Variants in TRPM3 observed in about 807,000 individuals in gnomAD.
The protein encoded by TRPM3 is transient receptor potential cation channel subfamily M member 3.
In TRPM3, 77 loss-of-function variants were observed where a neutral mutation model predicts 181.2. That is an observed-to-expected ratio of 0.42 (90% CI 0.35 to 0.51). The LOEUF is 0.51. Among genes scored for constraint, TRPM3 ranks in the 20% least tolerant of loss-of-function variants. TRPM3 has a pLI of 0.01. For synonymous variants in TRPM3, 745 were observed against 796.4 expected, an observed-to-expected ratio of 0.94 and a Z score of 1.09; for missense variants, 1,759 against 2,196.7, an observed-to-expected ratio of 0.80 and a Z score of 3.98.
chr9:71,187,861 A>G (rs560094635), intron 1 of TRPM3, among the ~76,000 whole-genome samples: 2 of 151,768 alleles, frequency 1.3e-5, no homozygotes, highest in African/African-American at 2.4e-5. Flanking sequence ...CTCTCTGAAC[A>G]TATCTTCAAG....
At chr9:70,837,007 T>C (rs1002366255) in intron 5 of TRPM3, among the ~76,000 whole-genome samples, 1 of 152,222 alleles carries the variant, frequency 6.6e-6, no homozygotes, top group African/African-American at 2.4e-5. Flanking sequence ...GCTCCAAAGC[T>C]GAGTGTGGTC....
At position 70,938,990 on chromosome 9, in the gene TRPM3, T is replaced by TA. The variant is rs147125886; in HGVS notation, c.178-74480dup. On this transcript the variant is annotated intron_variant, in intron 1 of 25. Coordinates refer to ENST00000677713, the MANE Select transcript of TRPM3 (RefSeq NM_001366145.2). ...AAAATAAAAATAAAAAATAAAAAAA[T>TA]AAAAAAAAAACATTCATTTCTTTAA... 9.9e-4 allele frequency among the ~76,000 whole-genome samples: 146 copies of TA among 148,060 alleles called. 1 individual carries two copies. Among genetic ancestry groups the TA allele is most frequent in the South Asian group, 4.3e-3 (20 of 4,668 alleles).
At chr9:71,089,908 T>C (rs532450518) in intron 1 of TRPM3, among the ~76,000 whole-genome samples, 1 of 152,222 alleles carries the variant, frequency 6.6e-6, no homozygotes, top group South Asian at 2.1e-4. Flanking sequence ...AAAGAAGAAT[T>C]GTCTTGGGCC....
intron 1 of TRPM3, among the ~76,000 whole-genome samples, chr9:71,368,756 T>A (rs1565504879): frequency 6.6e-6 from 1 of 152,222 alleles, no homozygotes; most frequent in Admixed American, 6.5e-5. Context: ...ATCTTTATGA[T>A]CTATAACAAA....
chr9:70,549,470 T>C, intron 25 of TRPM3, 72 bp downstream of exon 25: 1 of 1,515,362 alleles, frequency 6.6e-7, no homozygotes, highest in Non-Finnish European at 8.9e-7. Context: ...TGTGACCGTG[T>C]GAATAAATTC....
intron 1 of TRPM3, among the ~76,000 whole-genome samples, chr9:71,339,279 CTT>C (rs1412977874): frequency 1.3e-5 from 2 of 152,108 alleles, no homozygotes; most frequent in East Asian, 1.9e-4. Flanking sequence ...AATTCATAAA[CTT>C]AATGTGATCA....
intron 7 of TRPM3, among the ~76,000 whole-genome samples, chr9:70,772,330 T>G (rs966852570): frequency 3.3e-5 from 5 of 151,774 alleles, no homozygotes; most frequent in Non-Finnish European, 7.4e-5. Context: ...GTATTTTTTT[T>G]TTTTTGAAGC....
chr9:70,790,566 A>G (rs2085126065), intron 6 of TRPM3, among the ~76,000 whole-genome samples: 1 of 152,174 alleles, frequency 6.6e-6, no homozygotes, highest in Non-Finnish European at 1.5e-5. Context: ...CAGGCAAGCT[A>G]TTTTGCCTCA....
At chr9:70,877,511 C>A (rs533203444) in intron 1 of TRPM3, among the ~76,000 whole-genome samples, 1 of 152,014 alleles carries the variant, frequency 6.6e-6, no homozygotes, top group Admixed American at 6.6e-5. Context: ...CTCCAGGGAA[C>A]TGAAACTCCC....
chr9:70,606,078 C>A (rs901373865), intron 19 of TRPM3, among the ~76,000 whole-genome samples: 1 of 152,182 alleles, frequency 6.6e-6, no homozygotes, highest in East Asian at 1.9e-4. Flanking sequence ...AATCTCAGCT[C>A]ACATACTTCC....
At position 70,601,292 on chromosome 9, in the gene TRPM3, C is replaced by T. The variant is rs902191661; in HGVS notation, c.2796+2050G>A. ...CAGTGCCATGCTATTAAGGGATTAC[C>T]GGGGCTTGCTTTGGTGACTCCGGGC... On this transcript the variant is annotated intron_variant, in intron 20 of 25. Coordinates refer to ENST00000677713, the MANE Select transcript of TRPM3 (RefSeq NM_001366145.2). Among the ~76,000 whole-genome samples the T allele has an allele frequency of 9.9e-5, 15 of 152,218 alleles. No individual in the cohort carries two copies. In the East Asian group the frequency reaches 1.7e-3, roughly 18 times the overall value.
intron 1 of TRPM3, among the ~76,000 whole-genome samples, chr9:71,366,505 G>A (rs1401729378): frequency 2.0e-5 from 3 of 152,100 alleles, no homozygotes; most frequent in Non-Finnish European, 4.4e-5. Context: ...GAAAATATGA[G>A]TCTCCACACC....
chr9:70,698,731 C>T (rs570954495), intron 8 of TRPM3, among the ~76,000 whole-genome samples: 163 of 152,106 alleles, frequency 1.1e-3, no homozygotes, highest in Middle Eastern at 0.01. Flanking sequence ...GGTTTAGCAC[C>T]ATCCCCCCTT....
intron 5 of TRPM3, among the ~76,000 whole-genome samples, chr9:70,831,201 T>C (rs2093872203): frequency 1.3e-5 from 2 of 152,158 alleles, no homozygotes; most frequent in Admixed American, 6.5e-5. Flanking sequence ...ATAGCAAACG[T>C]ACCAGCAATC....
chr9:70,845,572 C>T (rs561702298), intron 4 of TRPM3, among the ~76,000 whole-genome samples: 16 of 152,236 alleles, frequency 1.1e-4, no homozygotes, highest in African/African-American at 3.4e-4. Context: ...CTAACTGGTC[C>T]AGAGTTATGT....
At chr9:70,971,769 G>A (rs999339916) in intron 1 of TRPM3, among the ~76,000 whole-genome samples, 1 of 152,006 alleles carries the variant, frequency 6.6e-6, no homozygotes, top group African/African-American at 2.4e-5. Flanking sequence ...ATTGTACTGG[G>A]GACACTTCCA....
chr9:71,016,499 G>A (rs1367934975), intron 1 of TRPM3, among the ~76,000 whole-genome samples: 2 of 151,902 alleles, frequency 1.3e-5, no homozygotes, highest in Non-Finnish European at 2.9e-5. Context: ...TCATATAAGT[G>A]GAACCATATA....
intron 9 of TRPM3, among the ~76,000 whole-genome samples, chr9:70,654,787 A>G (rs534626333): frequency 2.7e-4 from 40 of 149,662 alleles, no homozygotes; most frequent in Non-Finnish European, 4.6e-4. Flanking sequence ...GGTTCACGCC[A>G]TTCTCCTGCC....
chr9:70,757,990 C>A (rs1002109741), intron 8 of TRPM3, among the ~76,000 whole-genome samples: 1 of 152,032 alleles, frequency 6.6e-6, no homozygotes, highest in Non-Finnish European at 1.5e-5. Flanking sequence ...GTCAATTGGG[C>A]AAGAGAAAGA....
Sources: allele counts gnomAD v4.1 joint callset (sites outside exome capture counted in the v4.1 genomes callset), GRCh38; gene constraint gnomAD v4.1.1; transcripts MANE v1.5; gene names NCBI Gene and HGNC (gene_info 2026-07-23, HGNC 2026-07-21).